The following FBP2 variants were observed in gnomAD, a reference collection of about 807,000 sequenced individuals.
The protein encoded by FBP2 is fructose-1,6-bisphosphatase isozyme 2.
FBP2 carries 27 observed loss-of-function variants against 31.6 expected under a neutral mutation model. The ratio of observed to expected loss-of-function variants is 0.85; its 90% CI spans 0.63 to 1.18. The LOEUF (loss-of-function observed/expected upper bound fraction) is 1.18, where lower values mean the gene tolerates loss of function less well. Ranked by LOEUF, FBP2 falls within the 50% of genes most tolerant of loss-of-function variation. The pLI is 0.00. For missense variants in FBP2, 421 were observed against 436.1 expected, an observed-to-expected ratio of 0.97 and a Z score of 0.31; for synonymous variants, 168 against 179.8, an observed-to-expected ratio of 0.93 and a Z score of 0.53.
Position 94,558,879 on chromosome 9 carries a change from T to C in FBP2, c.*59A>G. ...AGCTACCATCTCTGTTTATCGTTCA[T>C]TTAGGGTCCTTAGACAAGGTGCAAG... On this transcript the variant is annotated 3_prime_UTR_variant, in exon 7 of 7. Transcript: ENST00000375337. 6.7e-7 allele frequency: 1 copy of C among 1,498,672 alleles called. No individual in the cohort carries two copies. The allele number at this position is 1,498,672 out of a possible 1,614,324, so 92.8% of individuals were successfully genotyped here.
At chr9:94,580,814 G>T (rs1245704752) in intron 3 of FBP2, among the ~76,000 whole-genome samples, 1 of 152,040 alleles carries the variant, frequency 6.6e-6, no homozygotes, top group Non-Finnish European at 1.5e-5. Flanking sequence ...ACAAATCCTT[G>T]TGCAGTTAAG....
At chr9:94,563,868 C>T (rs950537555) in intron 5 of FBP2, among the ~76,000 whole-genome samples, 1 of 152,090 alleles carries the variant, frequency 6.6e-6, no homozygotes, top group African/African-American at 2.4e-5. Context: ...AGACTTTAAA[C>T]CAATAAAGTT....
At chr9:94,589,544 C>T (rs1445881540) in intron 1 of FBP2, among the ~76,000 whole-genome samples, 1 of 152,214 alleles carries the variant, frequency 6.6e-6, no homozygotes, top group Non-Finnish European at 1.5e-5. Context: ...CATGTCTGCT[C>T]ACTGAGTTAT....
chr9:94,581,807 G>T (rs539403229), intron 3 of FBP2, among the ~76,000 whole-genome samples: 50 of 152,312 alleles, frequency 3.3e-4, no homozygotes, highest in African/African-American at 1.1e-3. Context: ...GATCAGACAG[G>T]CCTCCCTATA....
At chr9:94,576,296 G>A (rs913211629) in intron 3 of FBP2, among the ~76,000 whole-genome samples, 1 of 152,120 alleles carries the variant, frequency 6.6e-6, no homozygotes, top group Non-Finnish European at 1.5e-5. Context: ...AATAGTCAAA[G>A]TGGTTGCTTT....
chr9:94,561,857 C>T (rs371708382), intron 6 of FBP2, among the ~76,000 whole-genome samples: 8 of 152,258 alleles, frequency 5.3e-5, no homozygotes, highest in South Asian at 2.1e-4. Flanking sequence ...GCGCAGCAAA[C>T]GCAGATCTAT....
At chr9:94,588,371 C>G (rs1827452211) in intron 1 of FBP2, among the ~76,000 whole-genome samples, 1 of 152,124 alleles carries the variant, frequency 6.6e-6, no homozygotes, top group Non-Finnish European at 1.5e-5. Flanking sequence ...CCTGTAATCC[C>G]AGCACTGTGG....
At chr9:94,589,262 G>A (rs1203585719) in intron 1 of FBP2, among the ~76,000 whole-genome samples, 2 of 152,186 alleles carry the variant, frequency 1.3e-5, no homozygotes, top group African/African-American at 4.8e-5. Flanking sequence ...CCAGCACCCA[G>A]CAAGCGGCTC....
chr9:94,563,218 T>G, intron 6 of FBP2, 124 bp downstream of exon 6: 2 of 1,110,110 alleles, frequency 1.8e-6, no homozygotes, highest in South Asian at 1.7e-5. Context: ...TCATTTTTCC[T>G]CCCCTGCCCA....
chr9:94,568,103 G>A (rs1179194833), intron 4 of FBP2: 1 of 144,370 alleles, frequency 6.9e-6, no homozygotes, highest in Non-Finnish European at 1.5e-5. Flanking sequence ...ACTCCAGCCT[G>A]GATGACAGAG....
intron 2 of FBP2, chr9:94,586,928 C>T (rs897300374): frequency 3.7e-5 from 6 of 163,438 alleles, no homozygotes; most frequent in South Asian, 3.7e-4. Context: ...AAAGTGCCGG[C>T]TGGGGGCGGG....
At chr9:94,581,128 G>T (rs1370335278) in intron 3 of FBP2, among the ~76,000 whole-genome samples, 1 of 152,150 alleles carries the variant, frequency 6.6e-6, no homozygotes, top group East Asian at 1.9e-4. Context: ...ACTAGGCTGG[G>T]CTTATGATAC....
chr9:94,574,598 T>A lies in FBP2; in HGVS notation c.427-2996A>T, dbSNP rs546557839. On this transcript the variant is annotated intron_variant, in intron 3 of 6. Transcript: ENST00000375337. ...TCCTCGATTGTCATTGCCTTCTTAT[T>A]TATGGTGCCTGTTTTTGCAGTGCAG... Among the ~76,000 whole-genome samples the A allele has an allele frequency of 5.9e-5, 9 of 152,312 alleles. No individual in the cohort carries two copies. In the South Asian group the frequency reaches 1.9e-3, roughly 32 times the overall value.
chr9:94,584,546 G>A, intron 3 of FBP2, 31 bp downstream of exon 3: 1 of 1,341,362 alleles, frequency 7.5e-7, no homozygotes, highest in Non-Finnish European at 1.1e-6. Flanking sequence ...ACCACAGGAA[G>A]GAGGTGTAAA....
chr9:94,564,993 T>C (rs182844710), intron 5 of FBP2, among the ~76,000 whole-genome samples: 2 of 152,318 alleles, frequency 1.3e-5, no homozygotes, highest in African/African-American at 4.8e-5. Flanking sequence ...ATTTCCTAAT[T>C]ATACTGATCT....
At position 94,558,883 on chromosome 9, in the gene FBP2, G is replaced by A. The variant is rs1827049039; in HGVS notation, c.*55C>T. 2.0e-6 allele frequency: 3 copies of A among 1,513,890 alleles called. No individual in the cohort carries two copies. In the African/African-American group the frequency reaches 4.1e-5, roughly 21 times the overall value. 93.8% of individuals were successfully genotyped at this position (1,513,890 alleles called of 1,614,324 possible). On this transcript the variant is annotated 3_prime_UTR_variant, in exon 7 of 7. Transcript: ENST00000375337. The stretch of plus-strand genomic sequence containing the variant: ...ACCATCTCTGTTTATCGTTCATTTA[G>A]GGTCCTTAGACAAGGTGCAAGACAA...
chr9:94,563,751 C>T (rs763792686), intron 5 of FBP2, among the ~76,000 whole-genome samples: 12 of 152,082 alleles, frequency 7.9e-5, no homozygotes, highest in Non-Finnish European at 2.9e-5. Flanking sequence ...AAGGAAGTCA[C>T]CCATCCCACA....
intron 3 of FBP2, among the ~76,000 whole-genome samples, chr9:94,574,861 A>C (rs1057236601): frequency 6.6e-6 from 1 of 152,172 alleles, no homozygotes; most frequent in African/African-American, 2.4e-5. Flanking sequence ...AGATTTCAAA[A>C]ACCCAGTTTA....
At chr9:94,565,813 GGGAGCGAGGGCA>G (rs1329985010) in intron 5 of FBP2, among the ~76,000 whole-genome samples, 1 of 152,130 alleles carries the variant, frequency 6.6e-6, no homozygotes, top group Non-Finnish European at 1.5e-5. Context: ...GAGTGAGGGA[GGGAGCGAGGGCA>G]GGAGGGAGGG....
Sources: allele counts gnomAD v4.1 joint callset (sites outside exome capture counted in the v4.1 genomes callset), GRCh38; gene constraint gnomAD v4.1.1; transcripts MANE v1.5; gene names NCBI Gene and HGNC (gene_info 2026-07-23, HGNC 2026-07-21).